CSGALNACT1: variants seen among roughly 807,000 people sequenced by gnomAD.
The protein encoded by CSGALNACT1 is beta4GalNAcT-1.
Under a neutral mutation model 51.0 loss-of-function variants are expected in CSGALNACT1, and 52 were observed. The ratio of observed to expected loss-of-function variants is 1.02; its 90% CI spans 0.82 to 1.29. The LOEUF (loss-of-function observed/expected upper bound fraction) is 1.29. Among genes scored for constraint, CSGALNACT1 ranks in the 50% most tolerant of loss-of-function variants. CSGALNACT1 has a pLI of 0.00. For missense variants in CSGALNACT1, 935 were observed against 679.2 expected, an observed-to-expected ratio of 1.38 and a Z score of -4.19; for synonymous variants, 341 against 254.4, an observed-to-expected ratio of 1.34 and a Z score of -3.24.
chr8:19,621,208 G>C (rs1205321357), intron 1 of CSGALNACT1, among the ~76,000 whole-genome samples: 1 of 152,012 alleles, frequency 6.6e-6, no homozygotes, highest in Non-Finnish European at 1.5e-5. Flanking sequence ...TAAAACTTTT[G>C]CCTGCATTTT....
At chr8:19,405,215 T>C (rs1387853168) in exon 10 of CSGALNACT1, 3 of 450,352 alleles carry the variant, frequency 6.7e-6, no homozygotes, top group Non-Finnish European at 1.3e-5. Context: ...AAGCAGATTA[T>C]TTTTGGTTAA....
intron 1 of CSGALNACT1, among the ~76,000 whole-genome samples, chr8:19,702,425 T>C (rs1485872824): frequency 6.6e-6 from 1 of 152,078 alleles, no homozygotes; most frequent in Admixed American, 6.5e-5. Flanking sequence ...GGCTGGAGGA[T>C]CAATTCAGCC....
intron 2 of CSGALNACT1, among the ~76,000 whole-genome samples, chr8:19,601,552 G>A (rs533274032): frequency 6.6e-6 from 1 of 152,240 alleles, no homozygotes; most frequent in Non-Finnish European, 1.5e-5. Context: ...AGATGTAGAT[G>A]TAGATGTTAC....
intron 4 of CSGALNACT1, among the ~76,000 whole-genome samples, chr8:19,462,058 C>T (rs1235344154): frequency 3.9e-5 from 6 of 152,214 alleles, no homozygotes; most frequent in South Asian, 4.2e-4. Context: ...ATCTGCACAG[C>T]GGCCACATTC....
chr8:19,745,219 C>G (rs2154251388), intron 1 of CSGALNACT1, among the ~76,000 whole-genome samples: 1 of 152,328 alleles, frequency 6.6e-6, no homozygotes, highest in Middle Eastern at 3.4e-3. Flanking sequence ...AATCTGCTGC[C>G]ATTTCCAGAT....
intron 2 of CSGALNACT1, among the ~76,000 whole-genome samples, chr8:19,595,008 G>A (rs149582548): frequency 2.0e-5 from 3 of 152,232 alleles, no homozygotes; most frequent in East Asian, 1.9e-4. Flanking sequence ...AGTTTTTATC[G>A]TATATGAGAT....
At chr8:19,423,365 GTGAT>G (rs758039913) in intron 6 of CSGALNACT1, among the ~76,000 whole-genome samples, 10 of 152,240 alleles carry the variant, frequency 6.6e-5, no homozygotes, top group Admixed American at 1.3e-4. Context: ...GAGTCTACAA[GTGAT>G]TGATTAACTG....
At chr8:19,616,872 G>T (rs1156354552) in intron 1 of CSGALNACT1, among the ~76,000 whole-genome samples, 1 of 152,152 alleles carries the variant, frequency 6.6e-6, no homozygotes, top group Non-Finnish European at 1.5e-5. Context: ...CCAAGGAATG[G>T]TTTCGTGGAA....
intron 3 of CSGALNACT1, among the ~76,000 whole-genome samples, chr8:19,544,435 T>G (rs1209620808): frequency 6.6e-6 from 1 of 152,216 alleles, no homozygotes; most frequent in East Asian, 1.9e-4. Flanking sequence ...TGTTTAAGAG[T>G]ATGACATTTT....
intron 1 of CSGALNACT1, among the ~76,000 whole-genome samples, chr8:19,630,034 C>A (rs2055001209): frequency 6.6e-6 from 1 of 152,066 alleles, no homozygotes. Context: ...AGTGTAGCCC[C>A]ATGGATGCTA....
chr8:19,667,027 G>GA (rs2059398048), intron 1 of CSGALNACT1, among the ~76,000 whole-genome samples: 1 of 32,266 alleles, frequency 3.1e-5, no homozygotes, highest in African/African-American at 2.3e-4. Context: ...AAGGAAGGAA[G>GA]GAAGGAAGGA....
At chr8:19,449,959 G>T (rs1403665886) in intron 5 of CSGALNACT1, among the ~76,000 whole-genome samples, 1 of 150,252 alleles carries the variant, frequency 6.7e-6, no homozygotes, top group African/African-American at 2.5e-5. Flanking sequence ...AGACAATGAA[G>T]TAACCGGCTG....
intron 8 of CSGALNACT1, among the ~76,000 whole-genome samples, chr8:19,413,269 T>C (rs2056232260): frequency 6.6e-6 from 1 of 152,104 alleles, no homozygotes; most frequent in African/African-American, 2.4e-5. Context: ...ATGAAGCGCT[T>C]TGAGGGCAAA....
In CSGALNACT1 at chr8:19,497,916, C is replaced by T. The variant is rs2075761017; in HGVS notation, c.634+7285G>A. Reference sequence around the variant, plus strand: ...CATACCTAAGACCGGGAAGCCCCCTCCCCGCTTTGAGTCTTACCACCTTTG... The same window carrying T: ...CATACCTAAGACCGGGAAGCCCCCTTCCCGCTTTGAGTCTTACCACCTTTG... On this transcript the variant is annotated intron_variant, in intron 4 of 9. Transcript: ENST00000454498. Among the ~76,000 whole-genome samples, 2 of 152,150 alleles carry T rather than the reference C, an allele frequency of 1.3e-5. 1 individual carries two copies. The highest frequency in any genetic ancestry group is 4.1e-4 in the South Asian group (2 of 4,830).
chr8:19,667,456 T>C (rs2059471362), intron 1 of CSGALNACT1, among the ~76,000 whole-genome samples: 1 of 151,648 alleles, frequency 6.6e-6, no homozygotes, highest in Admixed American at 6.6e-5. Context: ...AATCAAGACA[T>C]TATTTCTATT....
chr8:19,442,297 T>C (rs1034947968), intron 5 of CSGALNACT1, among the ~76,000 whole-genome samples: 3 of 152,020 alleles, frequency 2.0e-5, no homozygotes, highest in African/African-American at 7.3e-5. Context: ...CTATTCACAA[T>C]AGCAAAGACT....
At chr8:19,725,261 T>C (rs2063336520) in intron 1 of CSGALNACT1, among the ~76,000 whole-genome samples, 1 of 152,164 alleles carries the variant, frequency 6.6e-6, no homozygotes, top group Admixed American at 6.5e-5. Flanking sequence ...AAGAGATGGC[T>C]GAGTTTTGGA....
At chr8:19,416,358 C>T (rs1296805530) in intron 8 of CSGALNACT1, among the ~76,000 whole-genome samples, 1 of 152,090 alleles carries the variant, frequency 6.6e-6, no homozygotes, top group Non-Finnish European at 1.5e-5. Flanking sequence ...CATGATTCAC[C>T]TGCTTCGGCC....
intron 1 of CSGALNACT1, among the ~76,000 whole-genome samples, chr8:19,608,069 G>C (rs191806969): frequency 2.0e-5 from 3 of 152,306 alleles, no homozygotes; most frequent in African/African-American, 7.2e-5. Context: ...AACAATCATA[G>C]AACAACCATG....
Sources: allele counts gnomAD v4.1 joint callset (sites outside exome capture counted in the v4.1 genomes callset), GRCh38; gene constraint gnomAD v4.1.1; transcripts MANE v1.5; gene names NCBI Gene and HGNC (gene_info 2026-07-23, HGNC 2026-07-21).